Variants in COMMD10 observed in about 807,000 individuals in gnomAD.
COMMD10 encodes COMM domain-containing protein 10.
In COMMD10, 33 loss-of-function variants were observed where a neutral mutation model predicts 28.9. The ratio of observed to expected loss-of-function variants is 1.14; its 90% confidence interval spans 0.87 to 1.53. COMMD10 has a LOEUF of 1.53. Among genes scored for constraint, COMMD10 ranks in the 40% most tolerant of loss-of-function variants. The probability of loss-of-function intolerance (pLI) is 0.00; values close to 1 mark genes in which losing one functional copy is unlikely to be tolerated. For synonymous variants in COMMD10, 110 were observed against 81.7 expected, an observed-to-expected ratio of 1.35 and a Z score of -1.87; for missense variants, 310 against 233.4, an observed-to-expected ratio of 1.33 and a Z score of -2.14.
chr5:116,280,209 C>A (rs1403697647), intron 5 of COMMD10, among the ~76,000 whole-genome samples: 1 of 151,856 alleles, frequency 6.6e-6, no homozygotes, highest in Non-Finnish European at 1.5e-5. Flanking sequence ...GTTTAACTTG[C>A]ATACATAGGT....
intron 5 of COMMD10, among the ~76,000 whole-genome samples, chr5:116,171,776 A>G (rs1753343743): frequency 6.6e-6 from 1 of 152,118 alleles, no homozygotes; most frequent in African/African-American, 2.4e-5. Context: ...GGAGTTGAAC[A>G]GTGAGAACAC....
chr5:116,176,029 TTA>T (rs558621277), intron 5 of COMMD10, among the ~76,000 whole-genome samples: 169 of 148,102 alleles, frequency 1.1e-3, no homozygotes, highest in South Asian at 2.5e-3. Context: ...AAATTTTATG[TTA>T]TGTATATTTT....
At chr5:116,287,161 A>C (rs1404057445) in intron 5 of COMMD10, among the ~76,000 whole-genome samples, 1 of 151,810 alleles carries the variant, frequency 6.6e-6, no homozygotes, top group Admixed American at 6.6e-5. Context: ...GTTGAGGGAA[A>C]AAATGGCTTT....
chr5:116,103,795 G>A (rs111733513), intron 4 of COMMD10, among the ~76,000 whole-genome samples: 3,178 of 151,788 alleles, frequency 0.021, 107 homozygotes, highest in African/African-American at 0.073. Flanking sequence ...TGATTTTTAA[G>A]TCTTTAATCT....
At chr5:116,224,677 C>T (rs905473322) in intron 5 of COMMD10, among the ~76,000 whole-genome samples, 1 of 152,172 alleles carries the variant, frequency 6.6e-6, no homozygotes, top group Non-Finnish European at 1.5e-5. Context: ...CCCCAAGCCC[C>T]AAACACCTCC....
chr5:116,241,909 G>T (rs1426157650), intron 5 of COMMD10, among the ~76,000 whole-genome samples: 2 of 152,060 alleles, frequency 1.3e-5, no homozygotes, highest in Non-Finnish European at 2.9e-5. Flanking sequence ...GAGCCACCAC[G>T]CCCAGCCAAT....
intron 4 of COMMD10, among the ~76,000 whole-genome samples, chr5:116,093,947 A>C (rs1197148958): frequency 1.3e-5 from 2 of 152,196 alleles, no homozygotes; most frequent in Non-Finnish European, 2.9e-5. Context: ...TCTTTAATAA[A>C]TGGTGCTAGG....
At chr5:116,216,542 T>G (rs1385985634) in intron 5 of COMMD10, among the ~76,000 whole-genome samples, 1 of 152,188 alleles carries the variant, frequency 6.6e-6, no homozygotes, top group Non-Finnish European at 1.5e-5. Context: ...TTTTGTTGTT[T>G]GTTTGTTTGA....
At chr5:116,137,079 A>T (rs1399037667) in intron 5 of COMMD10, among the ~76,000 whole-genome samples, 2 of 152,058 alleles carry the variant, frequency 1.3e-5, no homozygotes, top group Non-Finnish European at 2.9e-5. Flanking sequence ...GTTAACTACT[A>T]TACCTCTTTT....
At chr5:116,126,221 T>C (rs757944040) in intron 4 of COMMD10, among the ~76,000 whole-genome samples, 2 of 152,080 alleles carry the variant, frequency 1.3e-5, no homozygotes, top group Non-Finnish European at 2.9e-5. Context: ...TTACAAGGGA[T>C]GTGAAGGACC....
chr5:116,281,068 A>G (rs78590807), intron 5 of COMMD10, among the ~76,000 whole-genome samples: 8,211 of 151,834 alleles, frequency 0.054, 402 homozygotes, highest in African/African-American at 0.11. Context: ...TAATTGCATC[A>G]TTTCTAATTC....
rs137859297 is a variant in COMMD10, at chr5:116,114,160, C to T, written c.400-19908C>T. Among the ~76,000 whole-genome samples, 802 of 152,182 alleles carry T rather than the reference C, an allele frequency of 5.3e-3. 2 individuals carry two copies. Among genetic ancestry groups the T allele is most frequent in the Non-Finnish European group, 9.2e-3 (627 of 68,014 alleles). On this transcript the variant is annotated intron_variant, in intron 4 of 6. Coordinates refer to ENST00000274458, the MANE Select transcript of COMMD10 (RefSeq NM_016144.4). ...GCTTGATAGGTCCTTCTTCAGGTTT[C>T]AGTGGTAGCAGTGGTTGTCTAAGCA... is the stretch of plus-strand genomic sequence containing the variant.
At chr5:116,268,102 A>G (rs1750645250) in intron 5 of COMMD10, among the ~76,000 whole-genome samples, 1 of 151,932 alleles carries the variant, frequency 6.6e-6, no homozygotes, top group Non-Finnish European at 1.5e-5. Flanking sequence ...GACAAATGGG[A>G]TCTAATTAAA....
chr5:116,205,609 CA>C (rs1444195820), intron 5 of COMMD10, among the ~76,000 whole-genome samples: 11 of 152,010 alleles, frequency 7.2e-5, no homozygotes, highest in African/African-American at 2.4e-4. Context: ...TGTATGTACA[CA>C]TATAGACACG....
At chr5:116,109,702 A>C (rs1750976679) in intron 4 of COMMD10, among the ~76,000 whole-genome samples, 1 of 152,218 alleles carries the variant, frequency 6.6e-6, no homozygotes, top group Non-Finnish European at 1.5e-5. Flanking sequence ...TGGTGTAAGA[A>C]ATGCTACTGA....
intron 4 of COMMD10, among the ~76,000 whole-genome samples, chr5:116,128,879 C>T (rs1173644058): frequency 6.6e-6 from 1 of 151,690 alleles, no homozygotes; most frequent in Admixed American, 6.6e-5. Flanking sequence ...GGTTAGAATA[C>T]TGTGTAAGTG....
At chr5:116,091,718 G>A (rs188763131) in intron 3 of COMMD10, among the ~76,000 whole-genome samples, 1 of 152,188 alleles carries the variant, frequency 6.6e-6, no homozygotes, top group East Asian at 1.9e-4. Context: ...CAGTTCATAT[G>A]CGTTAGTTAT....
At chr5:116,168,709 AC>A (rs1561644638) in intron 5 of COMMD10, among the ~76,000 whole-genome samples, 1 of 152,222 alleles carries the variant, frequency 6.6e-6, no homozygotes, top group African/African-American at 2.4e-5. Flanking sequence ...TGGAAACTGA[AC>A]AACCTGCTGC....
chr5:116,145,567 A>G (rs1752321880), intron 5 of COMMD10, among the ~76,000 whole-genome samples: 1 of 151,764 alleles, frequency 6.6e-6, no homozygotes, highest in Non-Finnish European at 1.5e-5. Flanking sequence ...GGGAGAAACT[A>G]TCTAGAAATA....
Sources: gnomAD v4.1 joint callset for allele counts (sites outside exome capture counted in the v4.1 genomes callset) on GRCh38, gnomAD v4.1.1 for gene constraint, MANE v1.5 for transcripts, NCBI Gene and HGNC (gene_info 2026-07-23, HGNC 2026-07-21) for gene names.